The following MORC1 variants were observed in gnomAD, a reference collection of about 807,000 sequenced individuals.
The protein encoded by MORC1 is MORC family CW-type zinc finger protein 1.
MORC1 carries 59 observed loss-of-function variants against 134.9 expected under a neutral mutation model. That is an observed-to-expected ratio of 0.44 (90% CI 0.35 to 0.54). The LOEUF is 0.54. Ranked by LOEUF, MORC1 falls within the 20% of genes least tolerant of loss-of-function variation. The probability of loss-of-function intolerance (pLI) is 0.00; values close to 1 mark genes in which losing one functional copy is unlikely to be tolerated. For synonymous variants in MORC1, 395 were observed against 391.7 expected, an observed-to-expected ratio of 1.01 and a Z score of -0.10; for missense variants, 947 against 1,134.5, an observed-to-expected ratio of 0.83 and a Z score of 2.37.
Position 109,063,146 on chromosome 3 carries a change from G to C in MORC1, c.895+6C>G, listed in dbSNP as rs111259545. ...ACAATGATGTAGGCTACAGGTAATC[G>C]CATACCAATCTTTACTGCTTCTTCT... is the stretch of plus-strand genomic sequence containing the variant. On this transcript the variant is annotated splice_donor_region_variant and intron_variant, in intron 10 of 27. Coordinates refer to ENST00000232603, the MANE Select transcript of MORC1 (RefSeq NM_014429.4). The C allele has an allele frequency of 6.3e-7, 1 of 1,577,714 alleles. No individual in the cohort carries two copies. The highest frequency in any genetic ancestry group is 8.7e-7 in the Non-Finnish European group (1 of 1,149,852).
intron 13 of MORC1, 129 bp downstream of exon 13, chr3:109,057,214 C>A: frequency 2.2e-6 from 2 of 925,736 alleles, no homozygotes; most frequent in Non-Finnish European, 3.0e-6. Flanking sequence ...TGCACTTCAA[C>A]AGGAAGGGTG....
chr3:109,114,544 G>T, intron 1 of MORC1, 107 bp from the exon 2 acceptor site: 2 of 892,432 alleles, frequency 2.2e-6, no homozygotes, highest in Non-Finnish European at 3.4e-6. Context: ...GACATCTAGT[G>T]AATTAAGAAG....
chr3:108,979,022 T>G (rs1947639602), intron 24 of MORC1, among the ~76,000 whole-genome samples: 1 of 152,160 alleles, frequency 6.6e-6, no homozygotes, highest in Non-Finnish European at 1.5e-5. Context: ...AATCATGAAC[T>G]TTTTCCTCTC....
intron 17 of MORC1, among the ~76,000 whole-genome samples, chr3:109,021,891 G>C (rs1948966712): frequency 6.6e-6 from 1 of 152,232 alleles, no homozygotes; most frequent in African/African-American, 2.4e-5. Flanking sequence ...GAGGTACACA[G>C]AAGAAAGCAA....
At chr3:109,040,431 A>AAGGAAGGAAGGAATGAAG (rs1559912646) in intron 14 of MORC1, among the ~76,000 whole-genome samples, 1 of 20,888 alleles carries the variant, frequency 4.8e-5, no homozygotes, top group Non-Finnish European at 1.1e-4. Flanking sequence ...AAGGAAGGAA[A>AAGGAAGGAAGGAATGAAG]GAAAGAAAGA....
At chr3:109,113,603 A>G (rs1301466180) in intron 2 of MORC1, among the ~76,000 whole-genome samples, 1 of 152,208 alleles carries the variant, frequency 6.6e-6, no homozygotes, top group Non-Finnish European at 1.5e-5. Flanking sequence ...AGCAAAAGGT[A>G]GGAAAAAATC....
chr3:108,960,223 C>T (rs1005159524), intron 27 of MORC1, among the ~76,000 whole-genome samples: 2 of 152,160 alleles, frequency 1.3e-5, no homozygotes, highest in African/African-American at 4.8e-5. Context: ...GAAACAATCG[C>T]CAACACCACA....
chr3:108,962,760 G>A (rs1947114462), intron 27 of MORC1, among the ~76,000 whole-genome samples: 1 of 151,706 alleles, frequency 6.6e-6, no homozygotes, highest in Non-Finnish European at 1.5e-5. Context: ...TATAGAAGAT[G>A]GGCTCTTCCT....
intron 27 of MORC1, among the ~76,000 whole-genome samples, chr3:108,961,304 G>A (rs1225033786): frequency 5.3e-5 from 8 of 152,126 alleles, no homozygotes; most frequent in Admixed American, 5.2e-4. Flanking sequence ...CTTGGTGACT[G>A]GGACACTGTT....
At chr3:109,030,428 A>C (rs1408032721) in intron 16 of MORC1, among the ~76,000 whole-genome samples, 1 of 152,160 alleles carries the variant, frequency 6.6e-6, no homozygotes, top group Non-Finnish European at 1.5e-5. Flanking sequence ...TCATATCTAC[A>C]TCACTGTTAA....
At chr3:108,982,138 A>C (rs1032771917) in intron 23 of MORC1, among the ~76,000 whole-genome samples, 2 of 152,360 alleles carry the variant, frequency 1.3e-5, no homozygotes, top group African/African-American at 4.8e-5. Flanking sequence ...TGCAGCCAAC[A>C]GACACATGAA....
rs374221533 is a variant in MORC1, at chr3:109,101,943, A to T, written c.224-1436T>A. Among the ~76,000 whole-genome samples, 10 of 152,176 alleles carry T rather than the reference A, an allele frequency of 6.6e-5. No individual in the cohort carries two copies. The East Asian group carries it at 1.9e-3, about 29-fold the overall frequency. On this transcript the variant is annotated intron_variant, in intron 4 of 27. Coordinates refer to ENST00000232603, the MANE Select transcript of MORC1 (RefSeq NM_014429.4). ...ATCCCATGTGTTCATTACACACTACATGAACTCACGTGCATGGTTACCCGG... is the reference window on the plus strand; with the variant it reads ...ATCCCATGTGTTCATTACACACTACTTGAACTCACGTGCATGGTTACCCGG...
At chr3:109,086,826 G>A (rs552324281) in intron 8 of MORC1, among the ~76,000 whole-genome samples, 1 of 152,090 alleles carries the variant, frequency 6.6e-6, no homozygotes, top group African/African-American at 2.4e-5. Flanking sequence ...GGGAAATCTG[G>A]ATGAAAGATA....
chr3:109,057,405 G>A lies in MORC1; in HGVS notation c.1113C>T (p.Tyr371=), dbSNP rs1443208937. ...GCATTTTGATCAAACGGTTATTACT[G>A]TAAATGAACATTCCAGCTTGGCTTC... ...ENRSQAGMFI[Y]SNNRLIKMHE... Residue 371 remains tyrosine (Y), a synonymous_variant, in exon 13 of 28, where the codon TAC becomes TAT. Transcript: ENST00000232603. 10 of 1,611,974 alleles carry A rather than the reference G, an allele frequency of 6.2e-6. No homozygotes were observed. In the Middle Eastern group the frequency reaches 1.2e-3, roughly 186 times the overall value.
rs748305177 is a variant in MORC1 at position 108,996,257 on chromosome 3, T to C, written c.2187+4300A>G. Among the ~76,000 whole-genome samples, 337 of 111,190 alleles carry C rather than the reference T, an allele frequency of 3.0e-3. 1 individual carries two copies. Among genetic ancestry groups the C allele is most frequent in the Admixed American group, 6.2e-3 (72 of 11,614 alleles). 72.9% of individuals were successfully genotyped at this position (111,190 alleles called of 152,430 possible). A position where few individuals can be genotyped will look rare whatever the true frequency, so the allele number is the denominator to read the frequency against. ...GACGCTACCACAATACACATGCCTG[T>C]GCACATGTGCGCGTGCGTGCGCGCG... On this transcript the variant is annotated intron_variant, in intron 21 of 27. Transcript: ENST00000232603.
chr3:109,047,572 T>G (rs1228537533), intron 14 of MORC1, among the ~76,000 whole-genome samples: 1 of 152,158 alleles, frequency 6.6e-6, no homozygotes, highest in Non-Finnish European at 1.5e-5. Context: ...AACAGTCAAT[T>G]TGATGAACTC....
chr3:108,977,662 A>T (rs1031278748), intron 24 of MORC1, among the ~76,000 whole-genome samples: 12 of 152,202 alleles, frequency 7.9e-5, no homozygotes, highest in African/African-American at 2.7e-4. Flanking sequence ...ACTGTATACT[A>T]CTATGCTTTA....
At chr3:108,978,947 A>G (rs150472787) in intron 24 of MORC1, among the ~76,000 whole-genome samples, 43 of 152,268 alleles carry the variant, frequency 2.8e-4, no homozygotes, top group African/African-American at 9.9e-4. Context: ...AAGTCTGTAT[A>G]TAGACTTCTT....
At chr3:108,961,096 G>A (rs1233864886) in intron 27 of MORC1, among the ~76,000 whole-genome samples, 1 of 152,098 alleles carries the variant, frequency 6.6e-6, no homozygotes, top group African/African-American at 2.4e-5. Flanking sequence ...CCCAACTATG[G>A]GATCAACTAA....
Sources: allele counts gnomAD v4.1 joint callset (sites outside exome capture counted in the v4.1 genomes callset), GRCh38; gene constraint gnomAD v4.1.1; transcripts MANE v1.5; gene names NCBI Gene and HGNC (gene_info 2026-07-23, HGNC 2026-07-21).